Variants in APEH observed in about 807,000 individuals in gnomAD.
APEH encodes acylaminoacyl-peptide hydrolase.
A neutral mutation model predicts 102.7 loss-of-function variants in APEH; 75 were observed. The observed-to-expected ratio is 0.73, with a 90% CI of 0.61 to 0.89. The LOEUF (loss-of-function observed/expected upper bound fraction) is 0.89. Ranked by LOEUF, APEH falls within the 40% of genes least tolerant of loss-of-function variation. The pLI is 0.00. For synonymous variants in APEH, 344 were observed against 362.7 expected (o/e 0.95, Z 0.59); for missense variants, 863 against 941.2 (o/e 0.92, Z 1.09).
chr3:49,683,663 C>T lies in APEH; in HGVS notation c.*321C>T, dbSNP rs1317911837. ...GTGAGAGGCTTAGCCTCTGCCTGTC[C>T]TGGCAACCAGGACTCTGTACCAGCC... is the stretch of plus-strand genomic sequence containing the variant. On this transcript the variant is annotated 3_prime_UTR_variant, in exon 22 of 22. Transcript: ENST00000296456. 2.2e-6 allele frequency: 1 copy of T among 464,040 alleles called. No individual in the cohort carries two copies. The highest frequency in any genetic ancestry group is 2.2e-5 in the South Asian group (1 of 44,572). 28.7% of individuals were successfully genotyped at this position (464,040 alleles called of 1,614,324 possible).
At chr3:49,678,830 C>T in intron 11 of APEH, 22 bp from the exon 12 acceptor site, 5 of 1,590,800 alleles carry the variant, frequency 3.1e-6, no homozygotes, top group Non-Finnish European at 4.3e-6. Context: ...TGGATGCAGC[C>T]TCAGCCCTCC....
intron 3 of APEH, 36 bp downstream of exon 3, chr3:49,675,345 C>T (rs750438629): frequency 1.2e-6 from 2 of 1,609,822 alleles, no homozygotes; most frequent in Non-Finnish European, 1.7e-6. Context: ...GGCAAGGCCA[C>T]AGCCGTCCGC....
chr3:49,673,893 C>G (rs888240671), upstream of APEH: 2 of 161,156 alleles, frequency 1.2e-5, no homozygotes, highest in Non-Finnish European at 2.7e-5. Flanking sequence ...ACCCGCCCGC[C>G]TTGCCCTTCA....
At chr3:49,674,194 A>G (rs1382218361), upstream of APEH, 8 of 637,056 alleles carry the variant, frequency 1.3e-5, no homozygotes, top group Non-Finnish European at 1.6e-5. Flanking sequence ...TCACCCACCC[A>G]GGACTTCTCG....
Position 49,675,758 on chromosome 3 carries a change from G to A in APEH, c.337G>A (p.Gly113Ser), listed in dbSNP as rs755523074. Residue 113 changes from glycine (G) to serine (S), a missense_variant, in exon 4 of 22, where the codon GGC becomes AGC. By Grantham distance (56) the Gly-to-Ser change is moderately conservative. Transcript: ENST00000296456. ...KAVLRKAGGT[G>S]PGEEKQFLEV... ...TGTGCTGCGCAAGGCTGGAGGCACG[G>A]GCCCTGGGGAAGAGAAGCAGTTCCT... The A allele has an allele frequency of 6.2e-7, 1 of 1,613,952 alleles. No individual in the cohort carries two copies. The highest frequency in any genetic ancestry group is 8.5e-7 in the Non-Finnish European group (1 of 1,180,002).
intron 3 of APEH, 129 bp downstream of exon 3, chr3:49,675,438 A>C: frequency 7.4e-6 from 10 of 1,357,142 alleles, no homozygotes; most frequent in Non-Finnish European, 1.0e-5. Context: ...GAGCTCATTC[A>C]GTTTCTGGTG....
chr3:49,683,398 G>A lies in APEH; in HGVS notation c.*56G>A. ...CTGTGCCACACTTCGCTCTTGAGGAGCTCAACGGTCTGGCAGGGCAGCAGG... is the reference window on the plus strand; with the variant it reads ...CTGTGCCACACTTCGCTCTTGAGGAACTCAACGGTCTGGCAGGGCAGCAGG... On this transcript the variant is annotated 3_prime_UTR_variant, in exon 22 of 22. Coordinates refer to ENST00000296456, the MANE Select transcript of APEH (RefSeq NM_001640.4). 1 of 1,489,860 alleles carries A rather than the reference G, an allele frequency of 6.7e-7. No individual in the cohort carries two copies. Among genetic ancestry groups the A allele is most frequent in the Non-Finnish European group, 9.4e-7 (1 of 1,068,390 alleles). 92.3% of individuals were successfully genotyped at this position (1,489,860 alleles called of 1,614,324 possible).
In APEH at chr3:49,675,701, A is replaced by G. The variant is rs748233052; in HGVS notation, c.280A>G (p.Ser94Gly). 2 of 1,613,788 alleles carry G rather than the reference A, an allele frequency of 1.2e-6. No individual in the cohort carries two copies. The highest frequency in any genetic ancestry group is 1.7e-6 in the Non-Finnish European group (2 of 1,179,930). Residue 94 changes from serine to glycine, a missense_variant, in exon 4 of 22, where the codon AGC becomes GGC. Coordinates refer to ENST00000296456, the MANE Select transcript of APEH (RefSeq NM_001640.4). ...GCTACCCCATGTCCACAGACTGCTG[A>G]GCAGAGAGTCTCCTTCAGGCACCAT... ...NSVETRGELL[S>G]RESPSGTMKA...
In APEH at chr3:49,682,895, A is replaced by G. The variant is rs771977413; in HGVS notation, c.1936A>G (p.Ser646Gly). ...PFSSDCLPDL[S>G]VWAEMLDKSP... ...CAGCAGTGACTGCCTGCCAGACCTCAGCGTGTGGGCTGAGATGCTGGACAA... is the reference window on the plus strand; with the variant it reads ...CAGCAGTGACTGCCTGCCAGACCTCGGCGTGTGGGCTGAGATGCTGGACAA... Residue 646 changes from serine (S) to glycine (G), a missense_variant, in exon 20 of 22, where the codon AGC becomes GGC. Ser to Gly is a moderately conservative substitution (Grantham distance 56). Transcript: ENST00000296456. The G allele has an allele frequency of 6.2e-7, 1 of 1,614,050 alleles. No homozygotes were observed. Among genetic ancestry groups the G allele is most frequent in the South Asian group, 1.1e-5 (1 of 91,088 alleles).
At chr3:49,674,961 T>A (rs1443869502) in intron 2 of APEH, among the ~76,000 whole-genome samples, 1 of 151,764 alleles carries the variant, frequency 6.6e-6, no homozygotes, top group Non-Finnish European at 1.5e-5. Context: ...GATGCTGGGG[T>A]TACTAGGGGG....
chr3:49,673,177 C>G (rs1319121205), upstream of APEH, among the ~76,000 whole-genome samples: 3 of 138,540 alleles, frequency 2.2e-5, no homozygotes, highest in African/African-American at 8.2e-5. Flanking sequence ...AGCTACAGGC[C>G]AGACAAGTGG....
chr3:49,680,998 A>C, intron 14 of APEH, 103 bp from the exon 15 acceptor site: 5 of 1,396,624 alleles, frequency 3.6e-6, no homozygotes, highest in Non-Finnish European at 4.8e-6. Flanking sequence ...GGAGGTGGGT[A>C]GAGGGCCCAG....
intron 6 of APEH, 54 bp downstream of exon 6, chr3:49,676,273 G>T: frequency 6.2e-7 from 1 of 1,611,202 alleles, no homozygotes; most frequent in Non-Finnish European, 8.5e-7. Context: ...GGCTCAGTGT[G>T]CTCCCTTCCC....
chr3:49,675,741 G>A lies in APEH; in HGVS notation c.320G>A (p.Arg107His), dbSNP rs538171519. ...SPSGTMKAVL[R>H]KAGGTGPGEE... ...TCAGGCACCATGAAAGCTGTGCTGC[G>A]CAAGGCTGGAGGCACGGGCCCTGGG... The change falls in exon 4 of 22, where the codon CGC (arginine) becomes CAC (histidine). Residue 107 changes from arginine to histidine, a missense_variant. Transcript: ENST00000296456. 11 of 1,614,072 alleles carry A rather than the reference G, an allele frequency of 6.8e-6. No homozygotes were observed. Among genetic ancestry groups the A allele is most frequent in the South Asian group, 1.1e-5 (1 of 91,086 alleles).
intron 2 of APEH, among the ~76,000 whole-genome samples, chr3:49,674,934 C>G (rs562435671): frequency 9.1e-4 from 139 of 152,256 alleles, no homozygotes; most frequent in Non-Finnish European, 1.7e-3. Flanking sequence ...CCAGGCTGCC[C>G]TCAAGATTCC....
Position 49,676,604 on chromosome 3 carries a change from T to A in APEH, c.745-5T>A. The stretch of plus-strand genomic sequence containing the variant: ...CTCACTCCTGCCCTTTGATCCTGTT[T>A]ACAGGCATTTTGGGCCCCTGGAGAT... On this transcript the variant is annotated splice_region_variant and splice_polypyrimidine_tract_variant and intron_variant, in intron 7 of 21. Coordinates refer to ENST00000296456, the MANE Select transcript of APEH (RefSeq NM_001640.4). 6.2e-7 allele frequency: 1 copy of A among 1,614,254 alleles called. No individual in the cohort carries two copies. Among genetic ancestry groups the A allele is most frequent in the Non-Finnish European group, 8.5e-7 (1 of 1,180,038 alleles).
chr3:49,674,079 C>G (rs2052895170), upstream of APEH: 1 of 463,894 alleles, frequency 2.2e-6, no homozygotes, highest in South Asian at 3.1e-5. Context: ...GGGCCGCCCC[C>G]TCTCCTCCGA....
Position 49,674,582 on chromosome 3 carries a change from A to G in APEH, c.106A>G (p.Thr36Ala). The G allele has an allele frequency of 6.3e-7, 1 of 1,578,212 alleles. No individual in the cohort carries two copies. Among genetic ancestry groups the G allele is most frequent in the Non-Finnish European group, 8.5e-7 (1 of 1,171,620 alleles). Reference protein sequence around the residue: ...LSAACLGPEVTTQYGGQYRTV... With the variant: ...LSAACLGPEVATQYGGQYRTV... ...CGCCGCCTGCCTGGGCCCGGAGGTC[A>G]CCACGCAGTACGGCGGCCAATACCG... is the stretch of plus-strand genomic sequence containing the variant. Residue 36 changes from threonine to alanine, a missense_variant, in exon 2 of 22, where the codon ACC becomes GCC. Coordinates refer to ENST00000296456, the MANE Select transcript of APEH (RefSeq NM_001640.4).
In APEH at chr3:49,679,666, G is replaced by C. The variant is rs373273386; in HGVS notation, c.1210+22G>C. ...GCTGGTGAGCAAGGCTTTGGGGATG[G>C]GGGTAAGGGCAGGGCTGGTGAGCAA... On this transcript the variant is annotated intron_variant, in intron 13 of 21. Transcript: ENST00000296456. This position sits in a 1 kb window ranked among gnomAD's most constrained non-coding sequence, Gnocchi z 4.3. 6.2e-7 allele frequency: 1 copy of C among 1,612,584 alleles called. No homozygotes were observed. Among genetic ancestry groups the C allele is most frequent in the Non-Finnish European group, 8.5e-7 (1 of 1,178,846 alleles).
Sources: allele counts gnomAD v4.1 joint callset (sites outside exome capture counted in the v4.1 genomes callset), GRCh38; gene constraint gnomAD v4.1.1; non-coding constraint Gnocchi (gnomAD v3.1); transcripts MANE v1.5; gene names NCBI Gene and HGNC (gene_info 2026-07-23, HGNC 2026-07-21).